The following CTDSPL2 variants were observed in gnomAD, a reference collection of about 807,000 sequenced individuals.
CTDSPL2 encodes the protein CTD small phosphatase-like protein 2.
Under a neutral mutation model 60.0 loss-of-function variants are expected in CTDSPL2, and 5 were observed. That is an observed-to-expected ratio of 0.08 (90% CI 0.04 to 0.18). The LOEUF is 0.18. Among genes scored for constraint, CTDSPL2 ranks in the 10% least tolerant of loss-of-function variants. The probability of loss-of-function intolerance (pLI) is 1.00; values close to 1 mark genes in which losing one functional copy is unlikely to be tolerated. For missense variants in CTDSPL2, 370 were observed against 548.8 expected, an observed-to-expected ratio of 0.67 and a Z score of 3.26; for synonymous variants, 186 against 189.3, an observed-to-expected ratio of 0.98 and a Z score of 0.14.
At position 44,459,177 on chromosome 15, in the gene CTDSPL2, T is replaced by A; in HGVS notation, c.163T>A (p.Phe55Ile). ...CGGCTTGTTGTCTTCAATTAAAAAA[T>A]TTATTAAAGGAAGCACACCTAAGGT... ...ETGLLSSIKK[F>I]IKGSTPKEER... is the part of the protein sequence containing the mutation. Residue 55 changes from phenylalanine to isoleucine, a missense_variant, in exon 2 of 13, where the codon TTT becomes ATT. By Grantham distance (21) the Phe-to-Ile change is conservative. This residue lies in a region of CTDSPL2 where 287 missense variants were observed against 296.1 expected (regional missense o/e 0.97). Coordinates refer to ENST00000260327, the MANE Select transcript of CTDSPL2 (RefSeq NM_016396.3). The A allele has an allele frequency of 6.2e-7, 1 of 1,606,234 alleles. No individual in the cohort carries two copies. The highest frequency in any genetic ancestry group is 8.5e-7 in the Non-Finnish European group (1 of 1,177,110).
At chr15:44,433,308 C>T (rs1409322218) in intron 1 of CTDSPL2, among the ~76,000 whole-genome samples, 2 of 114,546 alleles carry the variant, frequency 1.7e-5, no homozygotes, top group Non-Finnish European at 3.4e-5. Flanking sequence ...GCCTGGGTAA[C>T]AGAGCAAGAC....
intron 8 of CTDSPL2, among the ~76,000 whole-genome samples, chr15:44,507,907 T>C (rs1178599075): frequency 7.9e-5 from 12 of 152,224 alleles, no homozygotes; most frequent in Admixed American, 7.9e-4. Flanking sequence ...ATTAACTTAT[T>C]TAATCTTCAC....
At chr15:44,429,163 A>G (rs1002587117) in intron 1 of CTDSPL2, among the ~76,000 whole-genome samples, 3 of 152,184 alleles carry the variant, frequency 2.0e-5, no homozygotes, top group Admixed American at 6.5e-5. Flanking sequence ...CACAAACATT[A>G]TTATAATCCT....
Position 44,491,097 on chromosome 15 carries a change from GT to G in CTDSPL2, c.691+103del, listed in dbSNP as rs1303513636. 4 of 845,612 alleles carry G rather than the reference GT, an allele frequency of 4.7e-6. No individual in the cohort carries two copies. In the Admixed American group the frequency reaches 8.5e-5, roughly 18 times the overall value. The allele number at this position is 845,612 out of a possible 1,614,324, so 52.4% of individuals were successfully genotyped here. ...TTAAATGAGCACATTATATGCATAGGTTTTTCTTCCTGGAAGTTAAGAAAAA... is the reference window on the plus strand; with the variant it reads ...TTAAATGAGCACATTATATGCATAGGTTTTCTTCCTGGAAGTTAAGAAAAA... On this transcript the variant is annotated intron_variant, in intron 5 of 12. Transcript: ENST00000260327.
intron 8 of CTDSPL2, among the ~76,000 whole-genome samples, chr15:44,511,442 A>C (rs2140858178): frequency 6.6e-6 from 1 of 152,358 alleles, no homozygotes; most frequent in Non-Finnish European, 1.5e-5. Flanking sequence ...AATATTGTTA[A>C]CTAGACATAT....
intron 2 of CTDSPL2, among the ~76,000 whole-genome samples, chr15:44,463,955 TATA>T (rs1292326793): frequency 6.6e-6 from 1 of 152,182 alleles, no homozygotes; most frequent in African/African-American, 2.4e-5. Context: ...CAACAATAAT[TATA>T]ATAATAACCT....
rs2081900043 is a variant in CTDSPL2 at position 44,528,071 on chromosome 15, T to C, written c.*3897T>C. 6.6e-6 allele frequency: 1 copy of C among 152,210 alleles called. No homozygotes were observed. The highest frequency in any genetic ancestry group is 1.5e-5 in the Non-Finnish European group (1 of 68,020). The allele number at this position is 152,210 out of a possible 1,614,324, so 9.4% of individuals were successfully genotyped here. Reference sequence around the variant, plus strand: ...CATTTTTATAAAATGTTTCTCTGTATCTTGAATTGAAATTACTTGCCCAGA... The same window carrying C: ...CATTTTTATAAAATGTTTCTCTGTACCTTGAATTGAAATTACTTGCCCAGA... On this transcript the variant is annotated 3_prime_UTR_variant, in exon 13 of 13. Coordinates refer to ENST00000260327, the MANE Select transcript of CTDSPL2 (RefSeq NM_016396.3).
chr15:44,485,362 C>T (rs1242632360), intron 3 of CTDSPL2, among the ~76,000 whole-genome samples: 1 of 152,218 alleles, frequency 6.6e-6, no homozygotes, highest in Non-Finnish European at 1.5e-5. Context: ...TTTAGAGCAA[C>T]AGTCCCCAAC....
chr15:44,439,571 T>A (rs1257197772), intron 1 of CTDSPL2, among the ~76,000 whole-genome samples: 5 of 151,792 alleles, frequency 3.3e-5, no homozygotes, highest in Admixed American at 1.3e-4. Context: ...TGCATTATAC[T>A]GGTTGAGCAT....
chr15:44,443,662 A>G (rs555156016), intron 1 of CTDSPL2, among the ~76,000 whole-genome samples: 1 of 152,252 alleles, frequency 6.6e-6, no homozygotes, highest in East Asian at 1.9e-4. Context: ...ATAATTAGAT[A>G]ATTAGTGATG....
intron 3 of CTDSPL2, among the ~76,000 whole-genome samples, chr15:44,484,836 A>T (rs2140786257): frequency 6.6e-6 from 1 of 152,348 alleles, no homozygotes; most frequent in East Asian, 1.9e-4. Context: ...TGCTAATTTG[A>T]ATCTTACTTT....
At chr15:44,441,563 G>A (rs900252163) in intron 1 of CTDSPL2, among the ~76,000 whole-genome samples, 2 of 152,122 alleles carry the variant, frequency 1.3e-5, no homozygotes, top group African/African-American at 4.8e-5. Context: ...AATTTTAGAT[G>A]AATTCTTTTT....
chr15:44,469,785 T>C (rs1307290206), intron 2 of CTDSPL2, among the ~76,000 whole-genome samples: 2 of 152,154 alleles, frequency 1.3e-5, no homozygotes, highest in African/African-American at 2.4e-5. Flanking sequence ...AAAGCAAGTT[T>C]ATTAAAGAAG....
At chr15:44,491,029 T>G (rs1380594595) in intron 5 of CTDSPL2, 30 bp downstream of exon 5, 4 of 1,483,622 alleles carry the variant, frequency 2.7e-6, no homozygotes, top group African/African-American at 2.8e-5. Flanking sequence ...TTATACATCT[T>G]CATGAGTAGT....
At chr15:44,510,428 A>C (rs1473594542) in intron 8 of CTDSPL2, among the ~76,000 whole-genome samples, 1 of 152,192 alleles carries the variant, frequency 6.6e-6, no homozygotes, top group Non-Finnish European at 1.5e-5. Flanking sequence ...ATTATTTCTT[A>C]TTATGGCTTT....
chr15:44,503,692 C>G (rs1292296809), intron 8 of CTDSPL2: 2 of 152,222 alleles, frequency 1.3e-5, no homozygotes, highest in African/African-American at 4.8e-5. Context: ...ACAGTGCAGC[C>G]AAACGTAACT....
chr15:44,434,289 A>G (rs1462574728), intron 1 of CTDSPL2, among the ~76,000 whole-genome samples: 1 of 152,128 alleles, frequency 6.6e-6, no homozygotes, highest in East Asian at 1.9e-4. Flanking sequence ...AGTCCCAGCT[A>G]CTCAGGAGGC....
chr15:44,451,374 C>A (rs2080331781), intron 1 of CTDSPL2, among the ~76,000 whole-genome samples: 1 of 151,994 alleles, frequency 6.6e-6, no homozygotes, highest in Admixed American at 6.6e-5. Context: ...CCTCCCAAAG[C>A]CCTGGGATTA....
At chr15:44,500,097 C>T (rs768385854) in intron 8 of CTDSPL2, among the ~76,000 whole-genome samples, 2 of 152,182 alleles carry the variant, frequency 1.3e-5, no homozygotes, top group Non-Finnish European at 2.9e-5. Context: ...GCACTGACAT[C>T]ATAGATCCTC....
Sources: gnomAD v4.1 joint callset for allele counts (sites outside exome capture counted in the v4.1 genomes callset) on GRCh38, gnomAD v4.1.1 for gene constraint, gnomAD v4.1.1 regional missense constraint, MANE v1.5 for transcripts, NCBI Gene and HGNC (gene_info 2026-07-23, HGNC 2026-07-21) for gene names.